Variants in NYAP2 observed in about 807,000 individuals in gnomAD.
NYAP2 encodes neuronal tyrosine-phosphorylated phosphoinositide-3-kinase adapter 2.
A neutral mutation model predicts 50.4 loss-of-function variants in NYAP2; 23 were observed. The observed-to-expected ratio is 0.46, with a 90% CI of 0.33 to 0.65. The LOEUF (loss-of-function observed/expected upper bound fraction) is 0.65. Ranked by LOEUF, NYAP2 falls within the 30% of genes least tolerant of loss-of-function variation. The probability of loss-of-function intolerance (pLI) is 0.02; values close to 1 mark genes in which losing one functional copy is unlikely to be tolerated. For synonymous variants in NYAP2, 394 were observed against 365.2 expected (o/e 1.08, Z -0.90); for missense variants, 885 against 861.0 (o/e 1.03, Z -0.35).
intron 5 of NYAP2, among the ~76,000 whole-genome samples, chr2:225,591,516 A>G (rs771918956): frequency 6.6e-6 from 1 of 152,144 alleles, no homozygotes; most frequent in Non-Finnish European, 1.5e-5. Flanking sequence ...GAACACTTCC[A>G]TAATAATAGT....
At chr2:225,685,946 C>A in the NYAP2 span, among the ~76,000 whole-genome samples, 2 of 152,108 alleles carry the variant, frequency 1.3e-5, no homozygotes, top group Non-Finnish European at 2.9e-5. Context: ...AATTAAGTTA[C>A]AAATCAAGTC....
chr2:225,667,697 T>G, the NYAP2 span, among the ~76,000 whole-genome samples: 788 of 152,236 alleles, frequency 5.2e-3, 9 homozygotes, highest in African/African-American at 0.018. Context: ...CAATTAGCAT[T>G]ACAAAAGAGG....
At chr2:225,527,778 G>T (rs1182640595) in intron 4 of NYAP2, among the ~76,000 whole-genome samples, 1 of 152,086 alleles carries the variant, frequency 6.6e-6, no homozygotes, top group Non-Finnish European at 1.5e-5. Context: ...CTCTCAAGTA[G>T]CTTGGACTAC....
chr2:225,537,260 A>G (rs1366309043), intron 4 of NYAP2, among the ~76,000 whole-genome samples: 4 of 152,154 alleles, frequency 2.6e-5, no homozygotes, highest in Non-Finnish European at 5.9e-5. Flanking sequence ...CATTTCACTT[A>G]ACATAATTAT....
At chr2:225,598,420 C>G (rs1369004843) in intron 5 of NYAP2, among the ~76,000 whole-genome samples, 4 of 152,026 alleles carry the variant, frequency 2.6e-5, no homozygotes, top group Admixed American at 6.6e-5. Context: ...AGTTGAAGTA[C>G]TTAATATCAA....
intron 4 of NYAP2, among the ~76,000 whole-genome samples, chr2:225,526,402 G>C (rs961199926): frequency 3.3e-5 from 5 of 152,180 alleles, no homozygotes; most frequent in African/African-American, 9.7e-5. Context: ...GTAGGGGAGG[G>C]TGGTTAAGAC....
chr2:225,703,220 G>C, the NYAP2 span: 16 of 151,602 alleles, frequency 1.1e-4, no homozygotes, highest in Non-Finnish European at 2.4e-4. Flanking sequence ...TTTTTTAGTG[G>C]ATAACGGCAC....
intron 2 of NYAP2, among the ~76,000 whole-genome samples, chr2:225,401,259 T>C (rs746141061): frequency 2.6e-5 from 4 of 152,084 alleles, no homozygotes; most frequent in African/African-American, 4.8e-5. Context: ...ACCCACTTAG[T>C]TACATTACCA....
chr2:225,684,955 T>C, the NYAP2 span, among the ~76,000 whole-genome samples: 1 of 152,168 alleles, frequency 6.6e-6, no homozygotes, highest in South Asian at 2.1e-4. Context: ...TGACATGACT[T>C]GCCCAGAGCT....
chr2:225,633,819 A>G (rs939049331), intron 6 of NYAP2, among the ~76,000 whole-genome samples: 7 of 152,226 alleles, frequency 4.6e-5, no homozygotes, highest in African/African-American at 1.7e-4. Context: ...TTTAAATGTA[A>G]TTCAATTTTT....
At chr2:225,607,990 C>G (rs7593510) in intron 5 of NYAP2, among the ~76,000 whole-genome samples, 34,795 of 152,012 alleles carry the variant, frequency 0.23, 4,808 homozygotes, top group South Asian at 0.31. Flanking sequence ...AATGAATTCT[C>G]AATATAACCT....
chr2:225,634,323 G>A (rs1343115215), intron 6 of NYAP2, among the ~76,000 whole-genome samples: 3 of 152,064 alleles, frequency 2.0e-5, no homozygotes, highest in African/African-American at 7.2e-5. Flanking sequence ...GTACTTCAAG[G>A]GGCTCTTTGT....
At position 225,518,606 on chromosome 2, in the gene NYAP2, T is replaced by A. The variant is rs1485485409; in HGVS notation, c.523+4934T>A. 3.1e-5 allele frequency among the ~76,000 whole-genome samples: 4 copies of A among 129,734 alleles called. 1 individual carries two copies. The highest frequency in any genetic ancestry group is 5.6e-5 in the African/African-American group (2 of 35,928). The allele number at this position is 129,734 out of a possible 152,430, so 85.1% of individuals were successfully genotyped here. ...CTTATATATATATATATATATATAT[T>A]AGCTTGTGAGCTTATATATATATAT... On this transcript the variant is annotated intron_variant, in intron 4 of 6. Coordinates refer to ENST00000636099, the Ensembl canonical transcript of NYAP2.
intron 5 of NYAP2, among the ~76,000 whole-genome samples, chr2:225,625,985 A>T (rs1247243654): frequency 6.6e-6 from 1 of 152,234 alleles, no homozygotes; most frequent in Non-Finnish European, 1.5e-5. Context: ...AAGCAAGAGC[A>T]AGACATCCAG....
At chr2:225,685,501 G>A in the NYAP2 span, among the ~76,000 whole-genome samples, 3 of 152,074 alleles carry the variant, frequency 2.0e-5, no homozygotes, top group Non-Finnish European at 2.9e-5. Flanking sequence ...TCAGGAATCT[G>A]CTCAGAGGAT....
chr2:225,558,918 G>A (rs754588792), intron 4 of NYAP2, among the ~76,000 whole-genome samples: 2 of 152,060 alleles, frequency 1.3e-5, no homozygotes, highest in Admixed American at 6.6e-5. Flanking sequence ...CCATACATCT[G>A]GGGGCTGAGT....
the NYAP2 span, among the ~76,000 whole-genome samples, chr2:225,687,853 G>A: frequency 3.3e-5 from 5 of 152,070 alleles, no homozygotes; most frequent in South Asian, 2.1e-4. Context: ...ACGTTTCTGC[G>A]CCCTCTTGAG....
At chr2:225,549,095 G>C (rs1691631133) in intron 4 of NYAP2, among the ~76,000 whole-genome samples, 1 of 152,032 alleles carries the variant, frequency 6.6e-6, no homozygotes, top group African/African-American at 2.4e-5. Flanking sequence ...TGGCCAGGCT[G>C]GTCTCAAACT....
chr2:225,660,614 A>T, the NYAP2 span, among the ~76,000 whole-genome samples: 1 of 152,144 alleles, frequency 6.6e-6, no homozygotes. Context: ...GCCTGTGGAA[A>T]CACAGCATAA....
Sources: gnomAD v4.1 joint callset for allele counts (sites outside exome capture counted in the v4.1 genomes callset) on GRCh38, gnomAD v4.1.1 for gene constraint, MANE v1.5 for transcripts, NCBI Gene and HGNC (gene_info 2026-07-23, HGNC 2026-07-21) for gene names.